The following ARHGAP44 variants were observed in gnomAD, a reference collection of about 807,000 sequenced individuals.
ARHGAP44 encodes rho GTPase-activating protein 44.
A neutral mutation model predicts 106.8 loss-of-function variants in ARHGAP44; 43 were observed. The ratio of observed to expected loss-of-function variants is 0.40; its 90% confidence interval spans 0.32 to 0.52. The LOEUF (loss-of-function observed/expected upper bound fraction) is 0.52, where lower values mean the gene tolerates loss of function less well. Ranked by LOEUF, ARHGAP44 falls within the 20% of genes least tolerant of loss-of-function variation. The pLI is 0.48. For missense variants in ARHGAP44, 866 were observed against 1,050.5 expected (o/e 0.82, Z 2.43); for synonymous variants, 439 against 410.3 (o/e 1.07, Z -0.85).
At chr17:12,795,136 G>A (rs994483044) in intron 1 of ARHGAP44, among the ~76,000 whole-genome samples, 5 of 152,172 alleles carry the variant, frequency 3.3e-5, no homozygotes, top group African/African-American at 7.2e-5. Context: ...AGGGCTGGGC[G>A]GACCCAAACT....
chr17:12,917,017 T>A (rs1214251919), intron 5 of ARHGAP44, among the ~76,000 whole-genome samples: 1 of 152,194 alleles, frequency 6.6e-6, no homozygotes, highest in East Asian at 1.9e-4. Flanking sequence ...GCTCAACCGG[T>A]AAATATGATG....
chr17:12,959,136 A>C, intron 16 of ARHGAP44: 15 of 481,864 alleles, frequency 3.1e-5, no homozygotes, highest in South Asian at 2.3e-4. Context: ...AGTATTAATT[A>C]GTTCTCATCA....
chr17:12,898,729 AG>A (rs2037287704), intron 3 of ARHGAP44, among the ~76,000 whole-genome samples: 1 of 152,214 alleles, frequency 6.6e-6, no homozygotes. Context: ...AGGGAGGCTG[AG>A]AAGGTGAATA....
At chr17:12,857,988 T>G (rs2035961092) in intron 1 of ARHGAP44, among the ~76,000 whole-genome samples, 1 of 152,084 alleles carries the variant, frequency 6.6e-6, no homozygotes, top group African/African-American at 2.4e-5. Flanking sequence ...CTAATCCTGC[T>G]CATCCCCTTA....
At position 12,898,310 on chromosome 17, in the gene ARHGAP44, C is replaced by T. The variant is rs376296327; in HGVS notation, c.198+1799C>T. ...TTAGAGGAGGTTGTTGAAGTGTGAGCTCCAGATTGGTTTGCATTTAAAAAG... is the reference window on the plus strand; with the variant it reads ...TTAGAGGAGGTTGTTGAAGTGTGAGTTCCAGATTGGTTTGCATTTAAAAAG... On this transcript the variant is annotated intron_variant, in intron 3 of 20. Coordinates refer to ENST00000379672, the MANE Select transcript of ARHGAP44 (RefSeq NM_014859.6). Among the ~76,000 whole-genome samples the T allele has an allele frequency of 2.6e-5, 4 of 152,266 alleles. No homozygotes were observed. The South Asian group carries it at 6.2e-4, about 24-fold the overall frequency.
chr17:12,956,094 C>A (rs533460372), intron 14 of ARHGAP44, 114 bp downstream of exon 14: 8 of 706,682 alleles, frequency 1.1e-5, no homozygotes, highest in Non-Finnish European at 1.9e-5. Context: ...ATTTTCCAAA[C>A]CCTATTTCTT....
intron 1 of ARHGAP44, among the ~76,000 whole-genome samples, chr17:12,794,496 CT>C (rs927855196): frequency 1.3e-5 from 2 of 152,172 alleles, no homozygotes; most frequent in Non-Finnish European, 2.9e-5. Context: ...TCAACAGCTA[CT>C]GCCCAGTGAT....
chr17:12,868,547 G>A (rs1013195255), intron 1 of ARHGAP44, among the ~76,000 whole-genome samples: 3 of 120,782 alleles, frequency 2.5e-5, no homozygotes, highest in African/African-American at 6.3e-5. Flanking sequence ...AAACTGAGAG[G>A]CTAAAAAGCC....
chr17:12,989,350 T>C (rs2040051226), intron 20 of ARHGAP44, among the ~76,000 whole-genome samples: 1 of 152,176 alleles, frequency 6.6e-6, no homozygotes, highest in Non-Finnish European at 1.5e-5. Context: ...TCTGTCGTCT[T>C]TGCCGACTCA....
At chr17:12,851,019 A>G (rs1203470226) in intron 1 of ARHGAP44, among the ~76,000 whole-genome samples, 1 of 152,200 alleles carries the variant, frequency 6.6e-6, no homozygotes, top group Non-Finnish European at 1.5e-5. Flanking sequence ...CATTGGTAAA[A>G]TGAGAATAAG....
intron 1 of ARHGAP44, among the ~76,000 whole-genome samples, chr17:12,869,775 G>C (rs2036351591): frequency 6.8e-6 from 1 of 146,930 alleles, no homozygotes; most frequent in Non-Finnish European, 1.5e-5. Flanking sequence ...TTTTTTCTCT[G>C]CATATACATA....
At chr17:12,956,602 A>C in intron 14 of ARHGAP44, 53 bp from the exon 15 acceptor site, 1 of 1,533,690 alleles carries the variant, frequency 6.5e-7, no homozygotes, top group South Asian at 1.1e-5. Flanking sequence ...TGGGCCTCAA[A>C]GCTTGCCTCA....
At position 12,910,277 on chromosome 17, in the gene ARHGAP44, T is replaced by C. The variant is rs565406257; in HGVS notation, c.275+1304T>C. 4.1e-3 allele frequency among the ~76,000 whole-genome samples: 611 copies of C among 150,710 alleles called. 3 individuals carry two copies. The highest frequency in any genetic ancestry group is 0.014 in the African/African-American group (557 of 40,632). On this transcript the variant is annotated intron_variant, in intron 4 of 20. Transcript: ENST00000379672. ...GGAGGAAACTTTTTTTTTTTTTTTT[T>C]TCCTCTCTCTAAACATCTTAGGTTC...
intron 3 of ARHGAP44, among the ~76,000 whole-genome samples, chr17:12,898,956 GATTTATTTATTT>G (rs71369351): frequency 3.4e-5 from 5 of 149,120 alleles, no homozygotes; most frequent in African/African-American, 9.9e-5. Context: ...TCACTGCATG[GATTTATTTATTT>G]ATTTATTTAT....
intron 10 of ARHGAP44, among the ~76,000 whole-genome samples, chr17:12,946,959 C>T (rs374791653): frequency 2.6e-5 from 4 of 152,168 alleles, no homozygotes; most frequent in Non-Finnish European, 5.9e-5. Context: ...CAACAGACCT[C>T]GCTCTGTCAC....
At chr17:12,885,810 T>C (rs2036865952) in intron 1 of ARHGAP44, among the ~76,000 whole-genome samples, 1 of 152,184 alleles carries the variant, frequency 6.6e-6, no homozygotes, top group African/African-American at 2.4e-5. Context: ...CTGAGTTATC[T>C]TTTCATCTTT....
chr17:12,804,450 C>A (rs9902853), intron 1 of ARHGAP44, among the ~76,000 whole-genome samples: 1 of 152,010 alleles, frequency 6.6e-6, no homozygotes, highest in Non-Finnish European at 1.5e-5. Context: ...ACCTTCATGG[C>A]GAAGGGATGG....
intron 1 of ARHGAP44, among the ~76,000 whole-genome samples, chr17:12,863,687 T>C (rs2036156819): frequency 6.6e-6 from 1 of 152,210 alleles, no homozygotes. Flanking sequence ...TGAGTCCATG[T>C]CCCTGATTTC....
chr17:12,917,078 A>C (rs976477407), intron 5 of ARHGAP44, among the ~76,000 whole-genome samples: 1 of 152,202 alleles, frequency 6.6e-6, no homozygotes, highest in Non-Finnish European at 1.5e-5. Flanking sequence ...TTCTGGTCCC[A>C]AGCATTTCAG....
Sources: gnomAD v4.1 joint callset for allele counts (sites outside exome capture counted in the v4.1 genomes callset) on GRCh38, gnomAD v4.1.1 for gene constraint, MANE v1.5 for transcripts, NCBI Gene and HGNC (gene_info 2026-07-23, HGNC 2026-07-21) for gene names.